The following HOMER2 variants were observed in gnomAD, a reference collection of about 807,000 sequenced individuals.
HOMER2 encodes the protein homer protein homolog 2.
Under a neutral mutation model 47.0 loss-of-function variants are expected in HOMER2, and 27 were observed. The ratio of observed to expected loss-of-function variants is 0.57; its 90% CI spans 0.42 to 0.79. The LOEUF (loss-of-function observed/expected upper bound fraction) is 0.79, where lower values mean the gene tolerates loss of function less well. Ranked by LOEUF, HOMER2 falls within the 30% of genes least tolerant of loss-of-function variation. HOMER2 has a pLI of 0.00. For synonymous variants in HOMER2, 161 were observed against 163.8 expected (o/e 0.98, Z 0.13); for missense variants, 443 against 435.0 (o/e 1.02, Z -0.16).
chr15:82,869,046 A>G (rs551206210), intron 3 of HOMER2, among the ~76,000 whole-genome samples: 1 of 152,324 alleles, frequency 6.6e-6, no homozygotes, highest in East Asian at 1.9e-4. Flanking sequence ...GCATGTAATT[A>G]AAAGTAGGTA....
exon 2 of HOMER2, chr15:82,838,960 A>G (rs2051151391): frequency 1.3e-5 from 2 of 152,232 alleles, no homozygotes; most frequent in Admixed American, 1.3e-4. Flanking sequence ...CAGCTCTGGA[A>G]AAACCTTTTC....
exon 2 of HOMER2, chr15:82,843,194 C>G (rs1596295062): frequency 6.6e-6 from 1 of 152,262 alleles, no homozygotes; most frequent in East Asian, 1.9e-4. Flanking sequence ...GTAATTCCAG[C>G]ACTTTGGGAG....
chr15:82,866,342 T>A lies in HOMER2; in HGVS notation c.295-2083A>T, dbSNP rs1442666901. ...TTTCTCCCATTTGGAATAGGTGTAT[T>A]TACCCAATGCCTCTACCCCCATTGT... is the stretch of plus-strand genomic sequence containing the variant. On this transcript the variant is annotated intron_variant, in intron 3 of 8. Transcript: ENST00000450735. Among the ~76,000 whole-genome samples the A allele has an allele frequency of 3.3e-5, 5 of 152,242 alleles. No homozygotes were observed. In the East Asian group the frequency reaches 9.6e-4, roughly 29 times the overall value.
At chr15:82,868,026 TTC>T (rs1203412714) in intron 3 of HOMER2, among the ~76,000 whole-genome samples, 3 of 152,096 alleles carry the variant, frequency 2.0e-5, no homozygotes, top group Non-Finnish European at 2.9e-5. Flanking sequence ...TTTCTAATAT[TTC>T]CCCCTTATTC....
At chr15:82,964,267 C>T (rs191222763) in intron 1 of HOMER2, among the ~76,000 whole-genome samples, 11 of 152,328 alleles carry the variant, frequency 7.2e-5, no homozygotes, top group African/African-American at 1.7e-4. Flanking sequence ...GCTGCTCCAG[C>T]GCGTCCCCCT....
rs1331177993 is a variant in HOMER2, at chr15:82,854,586, C to T, written c.651+58G>A. Reference sequence around the variant, plus strand: ...GGGAGAAAAAGGGTTGTGGGTGCCCCCATCTCCCACTGCCCACACCAGCTG... The same window carrying T: ...GGGAGAAAAAGGGTTGTGGGTGCCCTCATCTCCCACTGCCCACACCAGCTG... On this transcript the variant is annotated intron_variant, in intron 6 of 8. Transcript: ENST00000450735. 24 of 1,537,428 alleles carry T rather than the reference C, an allele frequency of 1.6e-5. No individual in the cohort carries two copies. In the East Asian group the frequency reaches 2.1e-4, roughly 14 times the overall value.
chr15:82,965,571 G>A (rs2054666467), intron 1 of HOMER2, among the ~76,000 whole-genome samples: 1 of 152,066 alleles, frequency 6.6e-6, no homozygotes, highest in Non-Finnish European at 1.5e-5. Flanking sequence ...AGGTTGTCTG[G>A]ATTTGTATTT....
chr15:82,875,599 T>C (rs1302630626), intron 2 of HOMER2, among the ~76,000 whole-genome samples, 195 bp from the exon 3 acceptor site: 2 of 152,128 alleles, frequency 1.3e-5, no homozygotes, highest in South Asian at 4.1e-4. Context: ...TACACAACCA[T>C]GAAAAGGGGC....
intron 1 of HOMER2, among the ~76,000 whole-genome samples, chr15:82,968,216 G>A (rs764565127): frequency 2.0e-5 from 3 of 152,120 alleles, no homozygotes; most frequent in Middle Eastern, 3.4e-3. Context: ...TAACCACAGC[G>A]GAATTTAGTA....
chr15:82,943,176 A>G (rs955065010), intron 1 of HOMER2, among the ~76,000 whole-genome samples: 1 of 152,208 alleles, frequency 6.6e-6, no homozygotes, highest in Non-Finnish European at 1.5e-5. Flanking sequence ...AATGCTCTAT[A>G]CACATTTTCT....
exon 2 of HOMER2, chr15:82,841,206 C>T (rs1228436459): frequency 6.6e-6 from 1 of 151,982 alleles, no homozygotes; most frequent in Non-Finnish European, 1.5e-5. Context: ...CATAAATAAC[C>T]ACTGTTAACA....
At chr15:82,892,972 TTAAAA>T (rs1333369689) in intron 1 of HOMER2, 131 bp from the exon 2 acceptor site, 35 of 661,436 alleles carry the variant, frequency 5.3e-5, no homozygotes, top group Non-Finnish European at 6.7e-5. Context: ...ATGAAGACAA[TTAAAA>T]TAAAAGCAAA....
At chr15:82,940,895 C>CAA (rs761832520) in intron 1 of HOMER2, among the ~76,000 whole-genome samples, 3 of 141,452 alleles carry the variant, frequency 2.1e-5, no homozygotes, top group East Asian at 4.0e-4. Context: ...GACCCTGTTC[C>CAA]AAAAAAAAAA....
chr15:82,965,498 T>G (rs2054665687), intron 1 of HOMER2, among the ~76,000 whole-genome samples: 1 of 152,190 alleles, frequency 6.6e-6, no homozygotes, highest in Non-Finnish European at 1.5e-5. Context: ...TGAGGTACTA[T>G]TCTCTAAAAC....
chr15:82,924,625 G>A lies in HOMER2; in HGVS notation c.5+27906C>T, dbSNP rs180844085. 1.2e-4 allele frequency among the ~76,000 whole-genome samples: 19 copies of A among 152,190 alleles called. No individual in the cohort carries two copies. The East Asian group carries it at 2.9e-3, about 23-fold the overall frequency. On this transcript the variant is annotated intron_variant, in intron 1 of 8. Coordinates refer to ENST00000450735, the MANE Select transcript of HOMER2 (RefSeq NM_004839.4). Reference sequence around the variant, plus strand: ...AGAAAATGCCTTTCCATGGTCATACGGCAATGCTTGCTAAGATCCGCTCCC... The same window carrying A: ...AGAAAATGCCTTTCCATGGTCATACAGCAATGCTTGCTAAGATCCGCTCCC...
At chr15:82,871,332 T>C (rs2052169874) in intron 3 of HOMER2, among the ~76,000 whole-genome samples, 1 of 152,190 alleles carries the variant, frequency 6.6e-6, no homozygotes, top group Admixed American at 6.5e-5. Flanking sequence ...TCCACACTGG[T>C]GTTCCTTTCT....
At chr15:82,860,977 G>GAGAGAGAGAGAGAA (rs71156059) in intron 4 of HOMER2, among the ~76,000 whole-genome samples, 1 of 144,356 alleles carries the variant, frequency 6.9e-6, no homozygotes, top group Non-Finnish European at 1.6e-5. Context: ...GAGAGAGAGA[G>GAGAGAGAGAGAGAA]AGAGAAAGCG....
chr15:82,857,422 CTTTTTTTTTTTT>C, intron 5 of HOMER2, among the ~76,000 whole-genome samples: 1 of 74,226 alleles, frequency 1.3e-5, no homozygotes, highest in Admixed American at 1.8e-4. Flanking sequence ...GATGATACAG[CTTTTTTTTTTTT>C]TTTTTTTTTT....
At chr15:82,858,492 C>T (rs1187381047) in intron 5 of HOMER2, among the ~76,000 whole-genome samples, 4 of 152,156 alleles carry the variant, frequency 2.6e-5, no homozygotes, top group Non-Finnish European at 2.9e-5. Context: ...GACAGGATTT[C>T]ATCATGTTAC....
Sources: gnomAD v4.1 joint callset for allele counts (sites outside exome capture counted in the v4.1 genomes callset) on GRCh38, gnomAD v4.1.1 for gene constraint, MANE v1.5 for transcripts, NCBI Gene and HGNC (gene_info 2026-07-23, HGNC 2026-07-21) for gene names.